CHRNB3: variants seen among roughly 807,000 people sequenced by gnomAD.
CHRNB3 encodes the protein cholinergic receptor nicotinic beta 3 subunit, also known as neuronal acetylcholine receptor subunit beta-3.
In CHRNB3, 37 loss-of-function variants were observed where a neutral mutation model predicts 40.6. That is an observed-to-expected ratio of 0.91 (90% CI 0.70 to 1.20). The LOEUF (loss-of-function observed/expected upper bound fraction) is 1.20, where lower values mean the gene tolerates loss of function less well. Among genes scored for constraint, CHRNB3 ranks in the 50% most tolerant of loss-of-function variants. The probability of loss-of-function intolerance (pLI) is 0.00; values close to 1 mark genes in which losing one functional copy is unlikely to be tolerated. For synonymous variants in CHRNB3, 207 were observed against 207.1 expected (o/e 1.00, Z 0.00); for missense variants, 505 against 551.2 (o/e 0.92, Z 0.84).
At chr8:42,710,279 C>T in intron 2 of CHRNB3, 111 bp from the exon 3 acceptor site, 1 of 804,426 alleles carries the variant, frequency 1.2e-6, no homozygotes, top group Admixed American at 2.2e-5. Context: ...GGTGGCACCA[C>T]TGCACTCCAG....
At chr8:42,734,365 A>C (rs1328401060) in intron 5 of CHRNB3, among the ~76,000 whole-genome samples, 1 of 151,844 alleles carries the variant, frequency 6.6e-6, no homozygotes, top group Non-Finnish European at 1.5e-5. Flanking sequence ...TTTTACTCTA[A>C]AATTGATGAA....
At chr8:42,710,550 T>C (rs1815997854) in intron 3 of CHRNB3, 116 bp downstream of exon 3, 5 of 820,350 alleles carry the variant, frequency 6.1e-6, no homozygotes, top group Non-Finnish European at 7.8e-6. Flanking sequence ...TCAGGGAGAT[T>C]TGTGGGAAGG....
chr8:42,713,934 G>T (rs1441332975), intron 3 of CHRNB3, among the ~76,000 whole-genome samples: 1 of 152,158 alleles, frequency 6.6e-6, no homozygotes, highest in Admixed American at 6.5e-5. Context: ...CCTGCTTCTA[G>T]ATCACAGGAG....
intron 3 of CHRNB3, among the ~76,000 whole-genome samples, chr8:42,713,429 C>T (rs764826275): frequency 1.6e-4 from 24 of 152,046 alleles, no homozygotes; most frequent in African/African-American, 5.5e-4. Context: ...ATACCCAAAA[C>T]CAAGCAGGAG....
At chr8:42,724,806 C>T (rs925970764) in intron 3 of CHRNB3, among the ~76,000 whole-genome samples, 3 of 151,862 alleles carry the variant, frequency 2.0e-5, no homozygotes, top group Admixed American at 1.3e-4. Context: ...CGGTGAAACC[C>T]CATCTCTACT....
chr8:42,712,828 C>T (rs1298647744), intron 3 of CHRNB3, among the ~76,000 whole-genome samples: 2 of 149,814 alleles, frequency 1.3e-5, no homozygotes, highest in Non-Finnish European at 3.0e-5. Flanking sequence ...CAAACCTTTA[C>T]TTCCTGCACA....
In CHRNB3 at chr8:42,719,884, G is replaced by A. The variant is rs78342733; in HGVS notation, c.249+9450G>A. On this transcript the variant is annotated intron_variant, in intron 3 of 5. Coordinates refer to ENST00000289957, the MANE Select transcript of CHRNB3 (RefSeq NM_000749.5). ...GAGTCCAGTGTGCTTTCTCTTTTGA[G>A]GCCACCAGTGTTAGCAGTATTGACC... Among the ~76,000 whole-genome samples the A allele has an allele frequency of 4.6e-5, 7 of 152,122 alleles. No homozygotes were observed. The East Asian group carries it at 1.4e-3, about 29-fold the overall frequency.
At chr8:42,733,487 T>C (rs951964324) in intron 5 of CHRNB3, among the ~76,000 whole-genome samples, 1 of 151,740 alleles carries the variant, frequency 6.6e-6, no homozygotes. Context: ...TGACATAAAA[T>C]ACAAACATGC....
intron 5 of CHRNB3, among the ~76,000 whole-genome samples, chr8:42,734,566 C>T (rs1173232383): frequency 4.0e-5 from 6 of 151,356 alleles, no homozygotes; most frequent in African/African-American, 7.3e-5. Context: ...ACTACAGGCA[C>T]CCGCCACCAC....
chr8:42,720,379 G>A (rs1180655716), intron 3 of CHRNB3, among the ~76,000 whole-genome samples: 1 of 151,984 alleles, frequency 6.6e-6, no homozygotes, highest in Non-Finnish European at 1.5e-5. Flanking sequence ...CTCCCAAAGT[G>A]CTGGAATTAC....
At chr8:42,713,392 T>C (rs986411898) in intron 3 of CHRNB3, among the ~76,000 whole-genome samples, 1 of 151,932 alleles carries the variant, frequency 6.6e-6, no homozygotes, top group Non-Finnish European at 1.5e-5. Context: ...CAAGCCAAGG[T>C]GGAATTAAAT....
intron 2 of CHRNB3, 59 bp downstream of exon 2, chr8:42,708,927 T>C: frequency 7.0e-7 from 1 of 1,433,176 alleles, no homozygotes; most frequent in Admixed American, 2.4e-5. Flanking sequence ...TGTTTATGAG[T>C]CTAAAATATA....
chr8:42,714,622 C>T (rs1263943436), intron 3 of CHRNB3, among the ~76,000 whole-genome samples: 2 of 151,982 alleles, frequency 1.3e-5, no homozygotes, highest in African/African-American at 4.8e-5. Context: ...TGGTTTTACA[C>T]AGATCTTAGT....
Position 42,724,978 on chromosome 8 carries a change from C to T in CHRNB3, c.250-5616C>T, listed in dbSNP as rs190189847. 5.3e-4 allele frequency among the ~76,000 whole-genome samples: 81 copies of T among 151,730 alleles called. 1 individual carries two copies. The highest frequency in any genetic ancestry group is 2.8e-3 in the Admixed American group (42 of 15,262). On this transcript the variant is annotated intron_variant, in intron 3 of 5. Coordinates refer to ENST00000289957, the MANE Select transcript of CHRNB3 (RefSeq NM_000749.5). The stretch of plus-strand genomic sequence containing the variant: ...CAGCCTGGGCAACAGAGTGAGACTC[C>T]GTCTCAAAAAACAAAAAAAGAAAAC...
In CHRNB3 at chr8:42,725,712, A is replaced by G. The variant is rs1178542399; in HGVS notation, c.250-4882A>G. ...GGAAATGCTTCTCCAGGTGCTCCTC[A>G]ATCACTGTGTTGTCTGTCAGAGGGA... On this transcript the variant is annotated intron_variant, in intron 3 of 5. Coordinates refer to ENST00000289957, the MANE Select transcript of CHRNB3 (RefSeq NM_000749.5). The G allele has an allele frequency of 9.7e-6, 9 of 932,288 alleles. No individual in the cohort carries two copies. In the East Asian group the frequency reaches 2.1e-4, roughly 22 times the overall value. The allele number at this position is 932,288 out of a possible 1,614,324, so 57.8% of individuals were successfully genotyped here. A position where few individuals can be genotyped will look rare whatever the true frequency, so the allele number is the denominator to read the frequency against.
intron 5 of CHRNB3, among the ~76,000 whole-genome samples, chr8:42,733,617 A>AT (rs11374228): frequency 1 from 130,413 of 130,554 alleles, 65,137 homozygotes; most frequent in Middle Eastern, 1. Flanking sequence ...TTTTTTTGAG[A>AT]GGAGTCTTGC....
rs869178430 is a variant in CHRNB3, at chr8:42,720,111, C to CTTTT, written c.249+9708_249+9711dup. ...CAACCCTGCCCCACTCAGAAGCCTT[C>CTTTT]TTTTTTTTTTTTTTTTTTTTTTTTT... On this transcript the variant is annotated intron_variant, in intron 3 of 5. Coordinates refer to ENST00000289957, the MANE Select transcript of CHRNB3 (RefSeq NM_000749.5). Among the ~76,000 whole-genome samples the CTTTT allele has an allele frequency of 9.3e-3, 452 of 48,790 alleles. 83 individuals are homozygous for CTTTT. The highest frequency in any genetic ancestry group is 0.017 in the African/African-American group (188 of 11,204). The allele number at this position is 48,790 out of a possible 152,430, so 32.0% of individuals were successfully genotyped here.
intron 3 of CHRNB3, chr8:42,726,058 T>C: frequency 1.1e-6 from 1 of 945,396 alleles, no homozygotes; most frequent in East Asian, 2.4e-5. Flanking sequence ...ACCAGGAATC[T>C]TGTAGGAATG....
chr8:42,705,507 C>T (rs1455741150), intron 1 of CHRNB3: 1 of 152,342 alleles, frequency 6.6e-6, no homozygotes, highest in Non-Finnish European at 1.5e-5. Context: ...GTCTCTCTCA[C>T]CCCCTCTTTG....
Sources: gnomAD v4.1 joint callset for allele counts (sites outside exome capture counted in the v4.1 genomes callset) on GRCh38, gnomAD v4.1.1 for gene constraint, MANE v1.5 for transcripts, NCBI Gene and HGNC (gene_info 2026-07-23, HGNC 2026-07-21) for gene names.